Variants in LIPT2 observed in about 807,000 individuals in gnomAD.
LIPT2 encodes the protein lipoyl(octanoyl) transferase 2.
In LIPT2, 16 loss-of-function variants were observed where a neutral mutation model predicts 16.2. The observed-to-expected ratio is 0.99, with a 90% CI of 0.67 to 1.50. LIPT2 has a LOEUF of 1.50. LIPT2 is among the 40% of genes most tolerant of loss of function. LIPT2 has a pLI of 0.00. For missense variants in LIPT2, 424 were observed against 347.7 expected, an observed-to-expected ratio of 1.22 and a Z score of -1.75; for synonymous variants, 199 against 169.3, an observed-to-expected ratio of 1.18 and a Z score of -1.36.
chr11:74,493,603 G>C lies in LIPT2; in HGVS notation c.101C>G (p.Pro34Arg). ...DRWLRRLQAE[P>R]GIEAPSGTEA... ...AGTCCCCGACGGGGCCTCAATGCCT[G>C]GCTCGGCCTGCAGCCGCCGCAGCCA... The change falls in exon 1 of 2, where the codon CCA becomes CGA. Residue 34 changes from proline (P) to arginine (R), a missense_variant. Pro to Arg is a moderately radical substitution (Grantham distance 103). Coordinates refer to ENST00000310109, the MANE Select transcript of LIPT2 (RefSeq NM_001144869.3). The C allele has an allele frequency of 2.1e-6, 3 of 1,456,592 alleles. No individual in the cohort carries two copies. Among genetic ancestry groups the C allele is most frequent in the Non-Finnish European group, 2.7e-6 (3 of 1,109,844 alleles). The allele number at this position is 1,456,592 out of a possible 1,614,324, so 90.2% of individuals were successfully genotyped here. A position where few individuals can be genotyped will look rare whatever the true frequency, so the allele number is the denominator to read the frequency against.
In LIPT2 at chr11:74,493,718, C is replaced by T. The variant is rs1252840431; in HGVS notation, c.-15G>A. ...GGTTGCCGCATCGTGCCCACCGTTG[C>T]GTCCGCGGGGCCCCGCCCTCTCCGT... On this transcript the variant is annotated 5_prime_UTR_variant, in exon 1 of 2. Coordinates refer to ENST00000310109, the MANE Select transcript of LIPT2 (RefSeq NM_001144869.3). 3.7e-6 allele frequency: 5 copies of T among 1,351,836 alleles called. No individual in the cohort carries two copies. The highest frequency in any genetic ancestry group is 4.7e-6 in the Non-Finnish European group (5 of 1,058,568). The allele number at this position is 1,351,836 out of a possible 1,614,324, so 83.7% of individuals were successfully genotyped here.
Position 74,493,723 on chromosome 11 carries a change from G to GCGGGGCCC in LIPT2, c.-21_-20insGGGCCCCG, listed in dbSNP as rs1443235748. 8.9e-6 allele frequency: 12 copies of GCGGGGCCC among 1,344,572 alleles called. No homozygotes were observed. The allele number at this position is 1,344,572 out of a possible 1,614,324, so 83.3% of individuals were successfully genotyped here. A position where few individuals can be genotyped will look rare whatever the true frequency, so the allele number is the denominator to read the frequency against. On this transcript the variant is annotated 5_prime_UTR_variant, in exon 1 of 2. Coordinates refer to ENST00000310109, the MANE Select transcript of LIPT2 (RefSeq NM_001144869.3). ...CCGCATCGTGCCCACCGTTGCGTCC[G>GCGGGGCCC]CGGGGCCCCGCCCTCTCCGTGGGCC...
At position 74,492,143 on chromosome 11, in the gene LIPT2, G is replaced by C. The variant is rs1337523201; in HGVS notation, c.688C>G (p.Pro230Ala). Residue 230 changes from proline (P) to alanine (A), a missense_variant, in exon 2 of 2, where the codon CCC becomes GCC. Transcript: ENST00000310109. ...YKCTLISEDS[P>A]N ...GCTGTTATGAGTACTCTTCAGTTGG[G>C]GCTGTCCTCTGAGATCAGTGTGCAC... 1 of 1,551,000 alleles carries C rather than the reference G, an allele frequency of 6.4e-7. No homozygotes were observed. The highest frequency in any genetic ancestry group is 8.7e-7 in the Non-Finnish European group (1 of 1,146,420).
chr11:74,492,342 G>C lies in LIPT2; in HGVS notation c.489C>G (p.Ile163Met), dbSNP rs1479021567. 2 of 1,551,652 alleles carry C rather than the reference G, an allele frequency of 1.3e-6. No homozygotes were observed. The highest frequency in any genetic ancestry group is 2.4e-5 in the East Asian group (1 of 40,910). Reference sequence around the variant, plus strand: ...AGTTGAGAGCCAGGCCGTGGGATGTGATGTGCCTTCCACAGCGGACTCCTG... The same window carrying C: ...AGTTGAGAGCCAGGCCGTGGGATGTCATGTGCCTTCCACAGCGGACTCCTG... ...CAIGVRCGRH[I>M]TSHGLALNCS... The change falls in exon 2 of 2, where the codon ATC becomes ATG. Residue 163 changes from isoleucine (I) to methionine (M), a missense_variant. Physicochemically the swap from Ile to Met is conservative, Grantham distance 10. Coordinates refer to ENST00000310109, the MANE Select transcript of LIPT2 (RefSeq NM_001144869.3).
intron 1 of LIPT2, 55 bp downstream of exon 1, chr11:74,493,183 A>C: frequency 8.0e-7 from 1 of 1,252,238 alleles, no homozygotes; most frequent in Non-Finnish European, 1.0e-6. Context: ...CCCCGCCCCC[A>C]GGCCTCAAGC....
At position 74,493,621 on chromosome 11, in the gene LIPT2, C is replaced by T. The variant is rs1048557090; in HGVS notation, c.83G>A (p.Arg28Gln). ...ELLGLQDRWL[R>Q]RLQAEPGIEA... Reference sequence around the variant, plus strand: ...AATGCCTGGCTCGGCCTGCAGCCGCCGCAGCCAGCGGTCCTGCAGCCCCAG... The same window carrying T: ...AATGCCTGGCTCGGCCTGCAGCCGCTGCAGCCAGCGGTCCTGCAGCCCCAG... Residue 28 changes from arginine to glutamine, a missense_variant, in exon 1 of 2, where the codon CGG becomes CAG. Arg to Gln is a conservative substitution (Grantham distance 43). Transcript: ENST00000310109. The T allele has an allele frequency of 3.4e-6, 5 of 1,457,840 alleles. No homozygotes were observed. In the African/African-American group the frequency reaches 5.9e-5, roughly 17 times the overall value. 90.3% of individuals were successfully genotyped at this position (1,457,840 alleles called of 1,614,324 possible).
rs369892951 is a variant in LIPT2 at position 74,492,301 on chromosome 11, G to A, written c.530C>T (p.Thr177Met). Residue 177 changes from threonine to methionine, a missense_variant, in exon 2 of 2, where the codon ACG (threonine) becomes ATG (methionine). By Grantham distance (81) the Thr-to-Met change is moderately conservative. Coordinates refer to ENST00000310109, the MANE Select transcript of LIPT2 (RefSeq NM_001144869.3). Reference protein sequence around the residue: ...GLALNCSTDLTWFEHIVPCGL... With the variant: ...GLALNCSTDLMWFEHIVPCGL... ...ACAGGGCACGATGTGCTCAAACCAC[G>A]TGAGGTCGGTAGAGCAGTTGAGAGC... 1.3e-6 allele frequency: 2 copies of A among 1,551,824 alleles called. No homozygotes were observed. Among genetic ancestry groups the A allele is most frequent in the Non-Finnish European group, 1.7e-6 (2 of 1,147,002 alleles).
Position 74,491,197 on chromosome 11 carries a change from T to G in LIPT2, c.*938A>C, listed in dbSNP as rs1372654077. On this transcript the variant is annotated 3_prime_UTR_variant, in exon 2 of 2. Coordinates refer to ENST00000310109, the MANE Select transcript of LIPT2 (RefSeq NM_001144869.3). ...CACGGTAAGGAACTGAGGCCTCTTG[T>G]CAGCAACCATAACCAACCACGCAAG... Among the ~76,000 whole-genome samples the G allele has an allele frequency of 2.6e-5, 4 of 152,210 alleles. No homozygotes were observed. Among genetic ancestry groups the G allele is most frequent in the Admixed American group, 2.6e-4 (4 of 15,282 alleles).
chr11:74,493,652 C>T lies in LIPT2; in HGVS notation c.52G>A (p.Glu18Lys). 3.4e-6 allele frequency: 5 copies of T among 1,451,220 alleles called. 1 individual carries two copies. Among genetic ancestry groups the T allele is most frequent in the South Asian group, 2.7e-5 (2 of 74,086 alleles). The allele number at this position is 1,451,220 out of a possible 1,614,324, so 89.9% of individuals were successfully genotyped here. A position where few individuals can be genotyped will look rare whatever the true frequency, so the allele number is the denominator to read the frequency against. Residue 18 changes from glutamate (E) to lysine (K), a missense_variant, in exon 1 of 2, where the codon GAG becomes AAG. Coordinates refer to ENST00000310109, the MANE Select transcript of LIPT2 (RefSeq NM_001144869.3). ...LVRLGRVPYA[E>K]LLGLQDRWLR... is the part of the protein sequence containing the mutation. Reference sequence around the variant, plus strand: ...CAGCGGTCCTGCAGCCCCAGTAGCTCGGCGTACGGCACCCGACCCAGGCGC... The same window carrying T: ...CAGCGGTCCTGCAGCCCCAGTAGCTTGGCGTACGGCACCCGACCCAGGCGC...
chr11:74,492,270 C>G lies in LIPT2; in HGVS notation c.561G>C (p.Leu187=), dbSNP rs1378183013. The G allele has an allele frequency of 3.9e-6, 6 of 1,551,814 alleles. No homozygotes were observed. In the Admixed American group the frequency reaches 1.2e-4, roughly 30 times the overall value. ...TWFEHIVPCG[L]VGTGVTSLSK... ...TCAAGGAAGTGACGCCTGTCCCAACCAGTCCACAGGGCACGATGTGCTCAA... is the reference window on the plus strand; with the variant it reads ...TCAAGGAAGTGACGCCTGTCCCAACGAGTCCACAGGGCACGATGTGCTCAA... The change falls in exon 2 of 2, where the codon CTG becomes CTC. Residue 187 remains leucine (L), a synonymous_variant. Transcript: ENST00000310109.
Position 74,493,394 on chromosome 11 carries a change from CG to C in LIPT2, c.309del (p.Asp104ThrfsTer13). The C allele has an allele frequency of 6.6e-7, 1 of 1,515,824 alleles. No homozygotes were observed. The highest frequency in any genetic ancestry group is 8.8e-7 in the Non-Finnish European group (1 of 1,139,072). 93.9% of individuals were successfully genotyped at this position (1,515,824 alleles called of 1,614,324 possible). A position where few individuals can be genotyped will look rare whatever the true frequency, so the allele number is the denominator to read the frequency against. ...AAGCGCAGGCCGAGACGCCGCAGGT[CG>C]AGTACCGGGTGGCAAAGCAGCTGGC... ...GPGQLLCHPV[L>X]DLRRLGLRLR... On this transcript the variant is annotated frameshift_variant, in exon 1 of 2. Transcript: ENST00000310109. LOFTEE classifies it high-confidence loss of function.
In LIPT2 at chr11:74,490,548, G is replaced by A. The variant is rs898992022; in HGVS notation, c.*1587C>T. On this transcript the variant is annotated 3_prime_UTR_variant, in exon 2 of 2. Coordinates refer to ENST00000310109, the MANE Select transcript of LIPT2 (RefSeq NM_001144869.3). Reference sequence around the variant, plus strand: ...TTTATATTGATATTTTTATATATTGGGTTAATTAAAATATTAAAATTAACA... The same window carrying A: ...TTTATATTGATATTTTTATATATTGAGTTAATTAAAATATTAAAATTAACA... Among the ~76,000 whole-genome samples, 1 of 151,478 alleles carries A rather than the reference G, an allele frequency of 6.6e-6. No individual in the cohort carries two copies. The highest frequency in any genetic ancestry group is 2.4e-5 in the African/African-American group (1 of 41,148).
Position 74,493,238 on chromosome 11 carries a change from C to A in LIPT2, c.466G>T (p.Gly156Ter), listed in dbSNP as rs1864386711. The A allele has an allele frequency of 1.5e-6, 2 of 1,347,034 alleles. No homozygotes were observed. The highest frequency in any genetic ancestry group is 1.8e-5 in the South Asian group (1 of 55,516). The allele number at this position is 1,347,034 out of a possible 1,614,324, so 83.4% of individuals were successfully genotyped here. A position where few individuals can be genotyped will look rare whatever the true frequency, so the allele number is the denominator to read the frequency against. The change falls in exon 1 of 2, where the codon GGA (glycine) becomes TGA (stop). Residue 156 changes from glycine to a stop codon, truncating the protein, a stop_gained and splice_region_variant. Coordinates refer to ENST00000310109, the MANE Select transcript of LIPT2 (RefSeq NM_001144869.3). LOFTEE classifies it high-confidence loss of function. ...TACCGCCCTGCTCCGCGGCGCTCAC[C>A]GATCGCGCAGATCTTGCGATCGTCT... Reference protein sequence around the residue: ...WLDDRKICAIGVRCGRHITSH... With the variant: ...WLDDRKICAI
intron 1 of LIPT2, 72 bp from the exon 2 acceptor site, chr11:74,492,436 G>T: frequency 9.9e-7 from 1 of 1,011,362 alleles, no homozygotes; most frequent in Non-Finnish European, 1.5e-6. Context: ...CTCTCAGGGC[G>T]ATGAGAAAAC....
At position 74,491,159 on chromosome 11, in the gene LIPT2, A is replaced by G. The variant is rs1864327421; in HGVS notation, c.*976T>C. On this transcript the variant is annotated 3_prime_UTR_variant, in exon 2 of 2. Coordinates refer to ENST00000310109, the MANE Select transcript of LIPT2 (RefSeq NM_001144869.3). ...GTCATGAGAACAATTAAGCAACCCTATAGGGAGGTCCACACGGTAAGGAAC... is the reference window on the plus strand; with the variant it reads ...GTCATGAGAACAATTAAGCAACCCTGTAGGGAGGTCCACACGGTAAGGAAC... Among the ~76,000 whole-genome samples, 1 of 152,232 alleles carries G rather than the reference A, an allele frequency of 6.6e-6. No homozygotes were observed. Among genetic ancestry groups the G allele is most frequent in the Admixed American group, 6.5e-5 (1 of 15,290 alleles).
In LIPT2 at chr11:74,493,352, A is replaced by T; in HGVS notation, c.352T>A (p.Ser118Thr). 2 of 1,505,990 alleles carry T rather than the reference A, an allele frequency of 1.3e-6. No homozygotes were observed. The highest frequency in any genetic ancestry group is 1.8e-6 in the Non-Finnish European group (2 of 1,133,796). The allele number at this position is 1,505,990 out of a possible 1,614,324, so 93.3% of individuals were successfully genotyped here. The change falls in exon 1 of 2, where the codon TCG (serine) becomes ACG (threonine). Residue 118 changes from serine (S) to threonine (T), a missense_variant. Coordinates refer to ENST00000310109, the MANE Select transcript of LIPT2 (RefSeq NM_001144869.3). ...AGGCGCACGGCGCACGCCTCCAGCG[A>T]CGCTACGTGCATGCGCAAGCGCAGG... ...LGLRLRMHVASLEACAVRLCE... is the reference protein window; with the variant it reads ...LGLRLRMHVATLEACAVRLCE...
Position 74,492,182 on chromosome 11 carries a change from T to C in LIPT2, c.649A>G (p.Lys217Glu), listed in dbSNP as rs1333550012. ...ATCAGTGTGCACTTGTAGATCTCCT[T>C]AAAGGCCACAAGGAAAGGTGGCATT... ...EVMPPFLVAF[K>E]EIYKCTLISE... The change falls in exon 2 of 2, where the codon AAG (lysine) becomes GAG (glutamate). Residue 217 changes from lysine to glutamate, a missense_variant. Transcript: ENST00000310109. 3 of 1,551,690 alleles carry C rather than the reference T, an allele frequency of 1.9e-6. No individual in the cohort carries two copies. Among genetic ancestry groups the C allele is most frequent in the Non-Finnish European group, 2.6e-6 (3 of 1,146,986 alleles).
At position 74,490,711 on chromosome 11, in the gene LIPT2, T is replaced by TA. The variant is rs1277826834; in HGVS notation, c.*1423dup. Among the ~76,000 whole-genome samples the TA allele has an allele frequency of 7.9e-5, 12 of 152,000 alleles. No homozygotes were observed. The highest frequency in any genetic ancestry group is 2.9e-4 in the African/African-American group (12 of 41,442). On this transcript the variant is annotated 3_prime_UTR_variant, in exon 2 of 2. Transcript: ENST00000310109. ...CCTCATTTCTTAAAAAAAATAAAAA[T>TA]AAAATAAAATAAAAATAACATCACC...
At chr11:74,492,844 C>T (rs571151635) in intron 1 of LIPT2, among the ~76,000 whole-genome samples, 90 of 146,786 alleles carry the variant, frequency 6.1e-4, no homozygotes, top group Non-Finnish European at 1.2e-3. Flanking sequence ...GCGGAGCTTG[C>T]AGTGGGCCGA....
Sources: allele counts gnomAD v4.1 joint callset (sites outside exome capture counted in the v4.1 genomes callset), GRCh38; gene constraint gnomAD v4.1.1; transcripts MANE v1.5; gene names NCBI Gene and HGNC (gene_info 2026-07-23, HGNC 2026-07-21).